Variants in CD300A observed in about 807,000 individuals in gnomAD.
The protein encoded by CD300A is CMRF35-like molecule 8.
A neutral mutation model predicts 33.6 loss-of-function variants in CD300A; 22 were observed. The observed-to-expected ratio is 0.66, with a 90% confidence interval of 0.47 to 0.94. The LOEUF is 0.94. CD300A is among the 40% of genes least tolerant of loss of function. The pLI is 0.00. For synonymous variants in CD300A, 136 were observed against 148.1 expected (o/e 0.92, Z 0.59); for missense variants, 326 against 360.5 (o/e 0.90, Z 0.77).
At chr17:74,468,460 G>A (rs1905877243) in intron 1 of CD300A, among the ~76,000 whole-genome samples, 1 of 151,302 alleles carries the variant, frequency 6.6e-6, no homozygotes, top group African/African-American at 2.4e-5. Flanking sequence ...AACCTCCCCA[G>A]TAGCTGAGAC....
At position 74,473,697 on chromosome 17, in the gene CD300A, G is replaced by T. The variant is rs1199574028; in HGVS notation, c.202G>T (p.Ala68Ser). 2 of 1,614,280 alleles carry T rather than the reference G, an allele frequency of 1.2e-6. No homozygotes were observed. Among genetic ancestry groups the T allele is most frequent in the Non-Finnish European group, 8.5e-7 (1 of 1,180,052 alleles). Residue 68 changes from alanine (A) to serine (S), a missense_variant, in exon 2 of 7, where the codon GCA becomes TCA. By Grantham distance (99) the Ala-to-Ser change is moderately conservative. Coordinates refer to ENST00000360141, the MANE Select transcript of CD300A (RefSeq NM_007261.4). The part of the protein sequence containing the change: ...CDKIVETKGS[A>S]GKRNGRVSIR... ...CAAGATTGTGGAGACCAAAGGGTCA[G>T]CAGGAAAAAGGAACGGCCGAGTGTC...
At chr17:74,466,870 C>T in intron 1 of CD300A, 127 bp downstream of exon 1, 1 of 1,527,206 alleles carries the variant, frequency 6.5e-7, no homozygotes, top group South Asian at 1.2e-5. Flanking sequence ...ATGCGGTGCG[C>T]TCTGTCTACC....
intron 2 of CD300A, 85 bp downstream of exon 2, chr17:74,473,959 A>AGTGTGTGTGT (rs146853349): frequency 7.1e-7 from 1 of 1,412,024 alleles, no homozygotes. Context: ...TGAAGCAGAC[A>AGTGTGTGTGT]GTGTGTGTGT....
chr17:74,479,199 C>CT (rs1211840988), intron 4 of CD300A, among the ~76,000 whole-genome samples: 1 of 152,032 alleles, frequency 6.6e-6, no homozygotes, highest in African/African-American at 2.4e-5. Context: ...TCCTTCCAGT[C>CT]TTTTTTTCTA....
intron 1 of CD300A, chr17:74,469,864 C>A: frequency 1.5e-6 from 1 of 679,058 alleles, no homozygotes; most frequent in Non-Finnish European, 1.8e-6. Context: ...TTACCCCTTA[C>A]AAAAAAATCC....
rs1905989444 is a variant in CD300A at position 74,470,000 on chromosome 17, C to T, written c.40+3257C>T. 3 of 985,266 alleles carry T rather than the reference C, an allele frequency of 3.0e-6. No individual in the cohort carries two copies. In the African/African-American group the frequency reaches 5.2e-5, roughly 17 times the overall value. The allele number at this position is 985,266 out of a possible 1,614,324, so 61.0% of individuals were successfully genotyped here. On this transcript the variant is annotated intron_variant, in intron 1 of 6. Coordinates refer to ENST00000360141, the MANE Select transcript of CD300A (RefSeq NM_007261.4). ...GTTGTGTGTGGGTGTGTGTGTTCCT[C>T]TTCTGACCTCTTGAGTTGGACAATT...
chr17:74,472,989 C>T (rs77736627), intron 1 of CD300A, among the ~76,000 whole-genome samples: 4,082 of 152,098 alleles, frequency 0.027, 74 homozygotes, highest in East Asian at 0.094. Flanking sequence ...GTGTGTGGGC[C>T]GGTCTTCCTC....
chr17:74,472,510 GA>G, intron 1 of CD300A, among the ~76,000 whole-genome samples: 1 of 152,210 alleles, frequency 6.6e-6, no homozygotes, highest in East Asian at 1.9e-4. Context: ...AATTTTCAAG[GA>G]AGTTCATTTA....
rs372408175 is a variant in CD300A at position 74,482,633 on chromosome 17, T to A, written c.774+800T>A. Among the ~76,000 whole-genome samples, 12 of 150,952 alleles carry A rather than the reference T, an allele frequency of 7.9e-5. No individual in the cohort carries two copies. In the East Asian group the frequency reaches 2.1e-3, roughly 27 times the overall value. Reference sequence around the variant, plus strand: ...CTCCCGCCAGCTGTCTGCATGAGGATGAGGGTGGTCTGGGGGCCCAGGGTC... The same window carrying A: ...CTCCCGCCAGCTGTCTGCATGAGGAAGAGGGTGGTCTGGGGGCCCAGGGTC... On this transcript the variant is annotated intron_variant, in intron 6 of 6. Transcript: ENST00000360141.
At chr17:74,471,484 G>A (rs1483528538) in intron 1 of CD300A, among the ~76,000 whole-genome samples, 1 of 152,110 alleles carries the variant, frequency 6.6e-6, no homozygotes, top group Non-Finnish European at 1.5e-5. Flanking sequence ...ACCCTCAAAG[G>A]CCATATGAGT....
intron 3 of CD300A, among the ~76,000 whole-genome samples, chr17:74,476,060 C>T (rs1906443589): frequency 6.6e-6 from 1 of 152,164 alleles, no homozygotes; most frequent in African/African-American, 2.4e-5. Context: ...CCAGGAAGCT[C>T]CTCCAAGCTT....
intron 1 of CD300A, among the ~76,000 whole-genome samples, chr17:74,472,797 A>G (rs1906191766): frequency 6.6e-6 from 1 of 152,020 alleles, no homozygotes; most frequent in Non-Finnish European, 1.5e-5. Context: ...TTTAGTAGAG[A>G]CAGGGTTTCA....
At position 74,473,537 on chromosome 17, in the gene CD300A, ATGTT is replaced by A; in HGVS notation, c.44_47del (p.Cys15LeufsTer3). 6.2e-7 allele frequency: 1 copy of A among 1,608,890 alleles called. No individual in the cohort carries two copies. The highest frequency in any genetic ancestry group is 8.5e-7 in the Non-Finnish European group (1 of 1,176,286). On this transcript the variant is annotated frameshift_variant and splice_region_variant, in exon 2 of 7. Coordinates refer to ENST00000360141, the MANE Select transcript of CD300A (RefSeq NM_007261.4). LOFTEE classifies it high-confidence loss of function. ...GGGACTCTGGCTTGTGTTTTCCAGG[ATGTT>A]TTGCTCTGAGCAAATGCAGGACCGT...
chr17:74,479,623 C>T (rs1906702797), intron 4 of CD300A, among the ~76,000 whole-genome samples: 2 of 152,150 alleles, frequency 1.3e-5, no homozygotes, highest in Admixed American at 6.5e-5. Flanking sequence ...ATGTTCCCAG[C>T]TAGTAAATGT....
Position 74,484,706 on chromosome 17 carries a change from CT to C in CD300A, c.*581del, listed in dbSNP as rs1202117552. On this transcript the variant is annotated 3_prime_UTR_variant, in exon 7 of 7. Transcript: ENST00000360141. ...TGGCTCCAGAACTGGTGGCAAGTTT[CT>C]CTGGACTCTTAGGTTTATTTTTAAT... 6.6e-6 allele frequency: 1 copy of C among 152,172 alleles called. No homozygotes were observed. The highest frequency in any genetic ancestry group is 1.5e-5 in the Non-Finnish European group (1 of 68,046). 9.4% of individuals were successfully genotyped at this position (152,172 alleles called of 1,614,324 possible).
At chr17:74,470,217 A>G in intron 1 of CD300A, 1 of 985,444 alleles carries the variant, frequency 1.0e-6, no homozygotes, top group Non-Finnish European at 1.2e-6. Flanking sequence ...GCCTGGGAGC[A>G]CTGGGGATCC....
intron 1 of CD300A, among the ~76,000 whole-genome samples, chr17:74,468,425 C>T (rs961426709): frequency 7.2e-5 from 11 of 152,012 alleles, no homozygotes; most frequent in African/African-American, 1.7e-4. Context: ...CTCCACCTCC[C>T]GGGCTCAAGT....
chr17:74,483,915 G>A, intron 6 of CD300A, 86 bp from the exon 7 acceptor site: 3 of 1,509,444 alleles, frequency 2.0e-6, no homozygotes, highest in South Asian at 1.2e-5. Flanking sequence ...AAGCCCCTCA[G>A]GTGTCCTCCC....
At chr17:74,482,732 T>TCCTTCCTTCCTTCCC (rs1555639394) in intron 6 of CD300A, among the ~76,000 whole-genome samples, 1 of 132,948 alleles carries the variant, frequency 7.5e-6, no homozygotes, top group African/African-American at 3.8e-5. Context: ...CTTTCTTTCT[T>TCCTTCCTTCCTTCCC]TGGAATCTCG....
Sources: allele counts gnomAD v4.1 joint callset (sites outside exome capture counted in the v4.1 genomes callset), GRCh38; gene constraint gnomAD v4.1.1; transcripts MANE v1.5; gene names NCBI Gene and HGNC (gene_info 2026-07-23, HGNC 2026-07-21).